The following ZMYM1 variants were observed in gnomAD, a reference collection of about 807,000 sequenced individuals.
ZMYM1 encodes the protein zinc finger MYM-type containing 1.
In ZMYM1, 39 loss-of-function variants were observed where a neutral mutation model predicts 60.0. That is an observed-to-expected ratio of 0.65 (90% CI 0.50 to 0.85). The LOEUF (loss-of-function observed/expected upper bound fraction) is 0.85, where lower values mean the gene tolerates loss of function less well. ZMYM1 is among the 40% of genes least tolerant of loss of function. ZMYM1 has a pLI of 0.00. For synonymous variants in ZMYM1, 413 were observed against 454.0 expected, an observed-to-expected ratio of 0.91 and a Z score of 1.15; for missense variants, 1,171 against 1,309.5, an observed-to-expected ratio of 0.89 and a Z score of 1.63.
At chr1:35,079,605 G>C (rs533106039) in intron 1 of ZMYM1, among the ~76,000 whole-genome samples, 163 bp downstream of exon 1, 1 of 152,262 alleles carries the variant, frequency 6.6e-6, no homozygotes, top group South Asian at 2.1e-4. Flanking sequence ...CGGGAACTCC[G>C]GGCCAGGCCC....
rs1485057371 is a variant in ZMYM1 at position 35,113,688 on chromosome 1, G to T, written c.1858G>T (p.Asp620Tyr). 3 of 1,613,530 alleles carry T rather than the reference G, an allele frequency of 1.9e-6. No individual in the cohort carries two copies. Among genetic ancestry groups the T allele is most frequent in the Non-Finnish European group, 2.5e-6 (3 of 1,179,784 alleles). ...CTATAACAGTACACAAATTCAAAGTGATATTATCGAAATAATAAAGACTGA... is the reference window on the plus strand; with the variant it reads ...CTATAACAGTACACAAATTCAAAGTTATATTATCGAAATAATAAAGACTGA... ...DFYNSTQIQS[D>Y]IIEIIKTEML... The change falls in exon 10 of 10, where the codon GAT becomes TAT. Residue 620 changes from aspartate (D) to tyrosine (Y), a missense_variant. Asp to Tyr is a radical substitution (Grantham distance 160). Coordinates refer to ENST00000359858, the MANE Select transcript of ZMYM1 (RefSeq NM_024772.5).
In ZMYM1 at chr1:35,115,208, A is replaced by G. The variant is rs748796458; in HGVS notation, c.3378A>G (p.Glu1126=). 5 of 1,605,282 alleles carry G rather than the reference A, an allele frequency of 3.1e-6. No individual in the cohort carries two copies. The highest frequency in any genetic ancestry group is 4.2e-6 in the Non-Finnish European group (5 of 1,177,876). The change falls in exon 10 of 10, where the codon GAA becomes GAG. Residue 1126 remains glutamate (E), a synonymous_variant. Transcript: ENST00000359858. ...TGGTAAATAAACTAATGGAGCCTGA[A>G]AGACTCAATGAAATTGTGGAAAAGT... ...QELVNKLMEP[E]RLNEIVEKFI... is the part of the protein sequence containing the mutation.
intron 1 of ZMYM1, among the ~76,000 whole-genome samples, chr1:35,083,339 T>C (rs1642488762): frequency 1.3e-5 from 2 of 151,982 alleles, no homozygotes; most frequent in African/African-American, 2.4e-5. Flanking sequence ...TTTTTAGAGA[T>C]GGGGGTCTCA....
chr1:35,099,749 C>T (rs889273592), intron 4 of ZMYM1, among the ~76,000 whole-genome samples: 1 of 152,002 alleles, frequency 6.6e-6, no homozygotes, highest in African/African-American at 2.4e-5. Context: ...TTTATTTTTG[C>T]AGAGACAGAG....
At chr1:35,111,751 A>G in intron 7 of ZMYM1, 21 bp from the exon 8 acceptor site, 1 of 1,545,352 alleles carries the variant, frequency 6.5e-7, no homozygotes, top group Admixed American at 2.0e-5. Context: ...TGTTTATAAG[A>G]AATCTTTTTA....
intron 1 of ZMYM1, among the ~76,000 whole-genome samples, chr1:35,071,181 C>A (rs1642061005): frequency 6.6e-6 from 1 of 152,070 alleles, no homozygotes; most frequent in Non-Finnish European, 1.5e-5. Flanking sequence ...GCCACTGTGC[C>A]CAGCCTTCTA....
chr1:35,067,806 C>T (rs1033944478), intron 1 of ZMYM1, among the ~76,000 whole-genome samples: 4 of 151,510 alleles, frequency 2.6e-5, no homozygotes, highest in African/African-American at 7.3e-5. Flanking sequence ...ATCCGGAAGG[C>T]GGAGGTTGCA....
intron 1 of ZMYM1, among the ~76,000 whole-genome samples, chr1:35,061,229 C>T (rs1557613004): frequency 1.3e-5 from 2 of 152,230 alleles, no homozygotes; most frequent in Admixed American, 6.5e-5. Context: ...GTACCAGGCA[C>T]CACGCTGGGT....
intron 1 of ZMYM1, among the ~76,000 whole-genome samples, chr1:35,088,233 C>G (rs1642763870): frequency 6.6e-6 from 1 of 151,640 alleles, no homozygotes; most frequent in African/African-American, 2.4e-5. Flanking sequence ...TCCTGGCCAA[C>G]ATGGTGAAAA....
At chr1:35,064,305 AAAAAAAAAC>A (rs781162518) in intron 1 of ZMYM1, among the ~76,000 whole-genome samples, 13,332 of 142,778 alleles carry the variant, frequency 0.093, 1,112 homozygotes, top group East Asian at 0.32. Context: ...AAAAAAAAAA[AAAAAAAAAC>A]AAAAAACACT....
chr1:35,112,520 A>C (rs1189701151), intron 9 of ZMYM1, among the ~76,000 whole-genome samples: 1 of 145,042 alleles, frequency 6.9e-6, no homozygotes, highest in African/African-American at 2.5e-5. Context: ...ATAATATATA[A>C]AAATATAAAT....
intron 1 of ZMYM1, among the ~76,000 whole-genome samples, chr1:35,085,999 C>T (rs1642634147): frequency 6.6e-6 from 1 of 152,152 alleles, no homozygotes; most frequent in Admixed American, 6.6e-5. Context: ...AATAGAAAAA[C>T]ACGTGTAAAG....
At chr1:35,116,835 ATTTTTTTTT>A (rs10671957), downstream of ZMYM1, among the ~76,000 whole-genome samples, 8 of 88,936 alleles carry the variant, frequency 9.0e-5, no homozygotes, top group African/African-American at 3.7e-4. Flanking sequence ...TAGGCCTGGA[ATTTTTTTTT>A]TTTTTTTTTT....
At chr1:35,073,264 A>AAAAAGGAAAGAAAGAAGGAAGG (rs1642101097) in intron 1 of ZMYM1, among the ~76,000 whole-genome samples, 1 of 150,078 alleles carries the variant, frequency 6.7e-6, no homozygotes, top group African/African-American at 2.5e-5. Flanking sequence ...AAAAAAAAAA[A>AAAAAGGAAAGAAAGAAGGAAGG]AAAGGAAAGA....
intron 4 of ZMYM1, among the ~76,000 whole-genome samples, chr1:35,099,019 C>T (rs918931008): frequency 3.9e-5 from 6 of 152,080 alleles, no homozygotes; most frequent in African/African-American, 9.7e-5. Context: ...ACTTAGTATT[C>T]GTATCTGTTT....
Position 35,114,152 on chromosome 1 carries a change from G to C in ZMYM1, c.2322G>C (p.Leu774Phe), listed in dbSNP as rs780412820. The C allele has an allele frequency of 4.3e-6, 7 of 1,610,492 alleles. No homozygotes were observed. The highest frequency in any genetic ancestry group is 5.1e-6 in the Non-Finnish European group (6 of 1,179,134). Residue 774 changes from leucine to phenylalanine, a missense_variant, in exon 10 of 10, where the codon TTG becomes TTC. Leu to Phe is a conservative substitution (Grantham distance 22). Coordinates refer to ENST00000359858, the MANE Select transcript of ZMYM1 (RefSeq NM_024772.5). Reference sequence around the variant, plus strand: ...GTGCTCTAAAAACTCTCAGTTCTTTGTTCAACACTATTTGTATGTCTGGGG... The same window carrying C: ...GTGCTCTAAAAACTCTCAGTTCTTTCTTCAACACTATTTGTATGTCTGGGG... ...LRSALKTLSS[L>F]FNTICMSGEM...
At position 35,114,427 on chromosome 1, in the gene ZMYM1, A is replaced by G; in HGVS notation, c.2597A>G (p.Tyr866Cys). The G allele has an allele frequency of 6.2e-7, 1 of 1,613,604 alleles. No individual in the cohort carries two copies. The highest frequency in any genetic ancestry group is 1.3e-5 in the African/African-American group (1 of 75,038). ...FEFVFCLKFL[Y>C]RVLSVTGILS... ...TTTGTCTTTTGTTTGAAATTCCTGT[A>G]TCGAGTGCTGAGTGTTACAGGAATT... Residue 866 changes from tyrosine to cysteine, a missense_variant, in exon 10 of 10, where the codon TAT (tyrosine) becomes TGT (cysteine). By Grantham distance (194) the Tyr-to-Cys change is radical. Transcript: ENST00000359858.
intron 3 of ZMYM1, among the ~76,000 whole-genome samples, chr1:35,096,997 G>A (rs1203935413): frequency 6.6e-6 from 1 of 152,120 alleles, no homozygotes; most frequent in East Asian, 1.9e-4. Context: ...GGCTAATTTT[G>A]TATTTTTAAT....
At chr1:35,076,617 T>C (rs1642170943), upstream of ZMYM1, among the ~76,000 whole-genome samples, 1 of 145,786 alleles carries the variant, frequency 6.9e-6, no homozygotes, top group South Asian at 2.2e-4. Context: ...CGAAGCTCCA[T>C]CTCAAAAAAA....
Sources: allele counts gnomAD v4.1 joint callset (sites outside exome capture counted in the v4.1 genomes callset), GRCh38; gene constraint gnomAD v4.1.1; transcripts MANE v1.5; gene names NCBI Gene and HGNC (gene_info 2026-07-23, HGNC 2026-07-21).